The following LONRF1 variants were observed in gnomAD, a reference collection of about 807,000 sequenced individuals.
LONRF1 encodes LON peptidase N-terminal domain and RING finger protein 1.
Under a neutral mutation model 85.8 loss-of-function variants are expected in LONRF1, and 37 were observed. The observed-to-expected ratio is 0.43, with a 90% CI of 0.33 to 0.57. The LOEUF is 0.57. Among genes scored for constraint, LONRF1 ranks in the 20% least tolerant of loss-of-function variants. The pLI, the probability that LONRF1 is intolerant of heterozygous loss-of-function variation, is 0.04. For missense variants in LONRF1, 1,036 were observed against 978.0 expected, an observed-to-expected ratio of 1.06 and a Z score of -0.79; for synonymous variants, 517 against 390.1, an observed-to-expected ratio of 1.33 and a Z score of -3.83.
rs1805965555 is a variant in LONRF1, at chr8:12,722,855, C to A, written c.*241G>T. On this transcript the variant is annotated 3_prime_UTR_variant, in exon 12 of 12. Transcript: ENST00000398246. ...TCATTTTAGAGTATGGTACATAGTG[C>A]AACTTCACAATGTAGAGGTTCGACA... 4.9e-6 allele frequency: 2 copies of A among 408,136 alleles called. No individual in the cohort carries two copies. The highest frequency in any genetic ancestry group is 8.9e-6 in the Non-Finnish European group (2 of 224,092). 25.3% of individuals were successfully genotyped at this position (408,136 alleles called of 1,614,324 possible). A position where few individuals can be genotyped will look rare whatever the true frequency, so the allele number is the denominator to read the frequency against.
rs1458110197 is a variant in LONRF1 at position 12,743,190 on chromosome 8, G to T, written c.814C>A (p.Leu272Ile). The change falls in exon 2 of 12, where the codon CTT (leucine) becomes ATT (isoleucine). Residue 272 changes from leucine to isoleucine, a missense_variant. Transcript: ENST00000398246. ...KAAIEDLNAV[L>I]FQLPDWPEVY... ...TCAGGCCAATCTGGAAGTTGAAAAA[G>T]AACTGCATTTAAATCTTCTATGGCT... The T allele has an allele frequency of 6.2e-7, 1 of 1,611,782 alleles. No homozygotes were observed. The highest frequency in any genetic ancestry group is 1.1e-5 in the South Asian group (1 of 90,962).
At chr8:12,741,257 A>C (rs1267885612) in intron 2 of LONRF1, among the ~76,000 whole-genome samples, 1 of 152,068 alleles carries the variant, frequency 6.6e-6, no homozygotes, top group East Asian at 1.9e-4. Flanking sequence ...GGGGGCATGC[A>C]CCTGTAATCC....
At chr8:12,735,635 T>C (rs1199790460) in intron 6 of LONRF1, 1 of 452,654 alleles carries the variant, frequency 2.2e-6, no homozygotes, top group Non-Finnish European at 4.0e-6. Flanking sequence ...CCTAGAGCTG[T>C]CCTGACTAAC....
chr8:12,730,324 G>T (rs558427590), intron 8 of LONRF1, among the ~76,000 whole-genome samples: 8 of 152,268 alleles, frequency 5.3e-5, no homozygotes, highest in African/African-American at 1.7e-4. Flanking sequence ...CTACATTCAA[G>T]TTTGGAAATA....
intron 1 of LONRF1, among the ~76,000 whole-genome samples, chr8:12,750,533 T>C (rs1799338630): frequency 6.6e-6 from 1 of 152,256 alleles, no homozygotes; most frequent in Admixed American, 6.5e-5. Flanking sequence ...TCTCAAAATA[T>C]TTTATCATAC....
Position 12,736,843 on chromosome 8 carries a change from A to G in LONRF1, c.1355-46T>C, listed in dbSNP as rs750368768. 1.9e-6 allele frequency: 3 copies of G among 1,582,652 alleles called. No homozygotes were observed. The Admixed American group carries it at 5.6e-5, about 30-fold the overall frequency. ...GGTTTTCTTCCTTAGGAAAAACTTT[A>G]AAGACTATTCTGACTAAATAAATTT... On this transcript the variant is annotated intron_variant, in intron 5 of 11. Coordinates refer to ENST00000398246, the MANE Select transcript of LONRF1 (RefSeq NM_152271.5).
intron 10 of LONRF1, chr8:12,726,109 T>A (rs1024515041): frequency 4.7e-5 from 19 of 400,052 alleles, no homozygotes; most frequent in Non-Finnish European, 7.2e-5. Flanking sequence ...CCTTGCTGAC[T>A]TAGCAGTGCA....
Position 12,755,450 on chromosome 8 carries a change from C to G in LONRF1, c.-30G>C. On this transcript the variant is annotated 5_prime_UTR_variant, in exon 1 of 12. Transcript: ENST00000398246. ...CGCGGAGGGCTGCGCCGCCGCCGCC[C>G]GCCGCCACGGTCCCGGAGCCTCCCG... The G allele has an allele frequency of 9.1e-7, 1 of 1,102,218 alleles. No individual in the cohort carries two copies. The highest frequency in any genetic ancestry group is 4.3e-5 in the South Asian group (1 of 23,158). The allele number at this position is 1,102,218 out of a possible 1,614,324, so 68.3% of individuals were successfully genotyped here. A position where few individuals can be genotyped will look rare whatever the true frequency, so the allele number is the denominator to read the frequency against.
Position 12,755,475 on chromosome 8 carries a change from G to C in LONRF1, c.-55C>G. ...CGCCGCCACGGTCCCGGAGCCTCCC[G>C]GGCGCGCGGCTCCGCACGCGGCCCG... is the stretch of plus-strand genomic sequence containing the variant. On this transcript the variant is annotated 5_prime_UTR_variant, in exon 1 of 12. Transcript: ENST00000398246. 1 of 1,005,376 alleles carries C rather than the reference G, an allele frequency of 9.9e-7. No homozygotes were observed. The highest frequency in any genetic ancestry group is 1.2e-6 in the Non-Finnish European group (1 of 827,794). The allele number at this position is 1,005,376 out of a possible 1,614,324, so 62.3% of individuals were successfully genotyped here. A position where few individuals can be genotyped will look rare whatever the true frequency, so the allele number is the denominator to read the frequency against.
Position 12,723,035 on chromosome 8 carries a change from A to G in LONRF1, c.*61T>C. On this transcript the variant is annotated 3_prime_UTR_variant, in exon 12 of 12. Transcript: ENST00000398246. ...AGCACTAGATGTGCAAAGGCAGCAG[A>G]CAATCTGGCCATCAATGCAGCCAGA... 7.0e-7 allele frequency: 1 copy of G among 1,427,258 alleles called. No individual in the cohort carries two copies. 88.4% of individuals were successfully genotyped at this position (1,427,258 alleles called of 1,614,324 possible). A position where few individuals can be genotyped will look rare whatever the true frequency, so the allele number is the denominator to read the frequency against.
rs1263352681 is a variant in LONRF1, at chr8:12,748,443, C to G, written c.722-5161G>C. Reference sequence around the variant, plus strand: ...AACTCTTGGGCTCAAGTGGTCCTCCCTCCTTGGCCTCCCAAAGTTTTGGCA... The same window carrying G: ...AACTCTTGGGCTCAAGTGGTCCTCCGTCCTTGGCCTCCCAAAGTTTTGGCA... On this transcript the variant is annotated intron_variant, in intron 1 of 11. Transcript: ENST00000398246. Among the ~76,000 whole-genome samples the G allele has an allele frequency of 3.3e-5, 5 of 152,272 alleles. No individual in the cohort carries two copies. The South Asian group carries it at 8.3e-4, about 25-fold the overall frequency.
Position 12,736,719 on chromosome 8 carries a change from T to C in LONRF1, c.1433A>G (p.Glu478Gly), listed in dbSNP as rs1661760852. Residue 478 changes from glutamate (E) to glycine (G), a missense_variant, in exon 6 of 12, where the codon GAG becomes GGG. Transcript: ENST00000398246. ...TGCTTACCTCATGCAGAGAGAACACTCGAAATCTGAGACATCGATTAATTC... is the reference window on the plus strand; with the variant it reads ...TGCTTACCTCATGCAGAGAGAACACCCGAAATCTGAGACATCGATTAATTC... ...PEELIDVSDF[E>G]CSLCMRLFFE... The C allele has an allele frequency of 6.2e-7, 1 of 1,610,466 alleles. No homozygotes were observed. The highest frequency in any genetic ancestry group is 1.1e-5 in the South Asian group (1 of 90,426).
At chr8:12,735,714 T>A (rs958015592) in intron 6 of LONRF1, 1 of 211,958 alleles carries the variant, frequency 4.7e-6, no homozygotes, top group African/African-American at 2.3e-5. Flanking sequence ...ATATGTGCAC[T>A]GAATGTAAAA....
intron 1 of LONRF1, chr8:12,753,292 A>C (rs1455709240): frequency 6.6e-6 from 1 of 152,258 alleles, no homozygotes; most frequent in East Asian, 1.9e-4. Flanking sequence ...CACTTGGGAC[A>C]AAAGATGACC....
intron 1 of LONRF1, among the ~76,000 whole-genome samples, chr8:12,745,485 A>C (rs1353775511): frequency 6.6e-6 from 1 of 152,192 alleles, no homozygotes; most frequent in Non-Finnish European, 1.5e-5. Context: ...CTTCCACGTA[A>C]ACTTTCAAGA....
chr8:12,731,952 T>C (rs1451728110), intron 7 of LONRF1, 95 bp from the exon 8 acceptor site: 10 of 1,127,952 alleles, frequency 8.9e-6, no homozygotes, highest in Non-Finnish European at 1.3e-5. Flanking sequence ...CTTTATTACA[T>C]ACTTATACCA....
intron 1 of LONRF1, among the ~76,000 whole-genome samples, chr8:12,751,650 A>G (rs995264083): frequency 1.3e-5 from 2 of 150,792 alleles, no homozygotes; most frequent in African/African-American, 2.4e-5. Context: ...CCTTACCCAA[A>G]TATTTTAAAA....
At chr8:12,739,122 C>A (rs1411476042) in intron 3 of LONRF1, among the ~76,000 whole-genome samples, 1 of 152,056 alleles carries the variant, frequency 6.6e-6, no homozygotes, top group Non-Finnish European at 1.5e-5. Context: ...AGCAATTCCA[C>A]TGCTAAGTTT....
chr8:12,730,626 T>A (rs1283519097), intron 8 of LONRF1, among the ~76,000 whole-genome samples: 4 of 152,234 alleles, frequency 2.6e-5, no homozygotes, highest in Non-Finnish European at 5.9e-5. Flanking sequence ...ATGTTTAAAT[T>A]TTCAAAAGCA....
Sources: gnomAD v4.1 joint callset for allele counts (sites outside exome capture counted in the v4.1 genomes callset) on GRCh38, gnomAD v4.1.1 for gene constraint, MANE v1.5 for transcripts, NCBI Gene and HGNC (gene_info 2026-07-23, HGNC 2026-07-21) for gene names.